The following PPFIBP1 variants were observed in gnomAD, a reference collection of about 807,000 sequenced individuals.
The protein encoded by PPFIBP1 is liprin-beta-1.
PPFIBP1 carries 112 observed loss-of-function variants against 137.8 expected under a neutral mutation model. That is an observed-to-expected ratio of 0.81 (90% CI 0.70 to 0.95). The LOEUF is 0.95. Ranked by LOEUF, PPFIBP1 falls within the 40% of genes least tolerant of loss-of-function variation. The pLI is 0.00. For missense variants in PPFIBP1, 1,083 were observed against 1,196.6 expected (o/e 0.91, Z 1.40); for synonymous variants, 378 against 417.3 (o/e 0.91, Z 1.15).
chr12:27,607,584 G>A (rs776884160), intron 2 of PPFIBP1, among the ~76,000 whole-genome samples: 1 of 152,178 alleles, frequency 6.6e-6, no homozygotes, highest in South Asian at 2.1e-4. Flanking sequence ...TAGGTGTGGG[G>A]TGGAGCCTGA....
intron 2 of PPFIBP1, among the ~76,000 whole-genome samples, chr12:27,620,754 T>C (rs1181856160): frequency 1.3e-5 from 2 of 152,108 alleles, no homozygotes; most frequent in East Asian, 1.9e-4. Flanking sequence ...TAAGGATTAA[T>C]TGAATTGATA....
chr12:27,537,320 A>G (rs1043205671), intron 1 of PPFIBP1, among the ~76,000 whole-genome samples: 13 of 152,134 alleles, frequency 8.5e-5, no homozygotes, highest in African/African-American at 2.9e-4. Flanking sequence ...TTTAGTAGAG[A>G]TGGGGTTTCA....
At chr12:27,585,920 T>C (rs1427320218) in intron 2 of PPFIBP1, among the ~76,000 whole-genome samples, 3 of 152,052 alleles carry the variant, frequency 2.0e-5, no homozygotes, top group Non-Finnish European at 4.4e-5. Flanking sequence ...TGGGGGAGTA[T>C]TGTGAAATAA....
At position 27,605,711 on chromosome 12, in the gene PPFIBP1, C is replaced by T. The variant is rs192427744; in HGVS notation, c.-36+27472C>T. ...CAGGTCTGTGGGCCACACAATTCAA[C>T]GCAGTTTTGGTGGTGGTTTCATGGC... On this transcript the variant is annotated intron_variant, in intron 2 of 29. Transcript: ENST00000228425. Among the ~76,000 whole-genome samples the T allele has an allele frequency of 3.5e-4, 53 of 152,244 alleles. No individual in the cohort carries two copies. In the East Asian group the frequency reaches 6.2e-3, roughly 18 times the overall value.
chr12:27,592,647 G>A (rs528991893), intron 2 of PPFIBP1: 5 of 1,593,354 alleles, frequency 3.1e-6, no homozygotes, highest in Non-Finnish European at 4.3e-6. Flanking sequence ...GGCAGCACTG[G>A]GCCTGTGTGT....
At chr12:27,537,099 G>T (rs1292975010) in intron 1 of PPFIBP1, among the ~76,000 whole-genome samples, 1 of 151,436 alleles carries the variant, frequency 6.6e-6, no homozygotes, top group African/African-American at 2.4e-5. Context: ...CCTTGCCGTT[G>T]TCTCCTACTG....
chr12:27,608,038 C>A (rs1313776983), intron 2 of PPFIBP1, among the ~76,000 whole-genome samples: 1 of 152,112 alleles, frequency 6.6e-6, no homozygotes, highest in East Asian at 1.9e-4. Context: ...TTTTTAAATT[C>A]ATTGCAGTTC....
At chr12:27,685,527 A>G (rs1476937758) in intron 24 of PPFIBP1, among the ~76,000 whole-genome samples, 1 of 152,138 alleles carries the variant, frequency 6.6e-6, no homozygotes, top group African/African-American at 2.4e-5. Context: ...AAGTGTGAGT[A>G]TGTTCCCCCT....
At chr12:27,683,182 G>A (rs759222735) in intron 24 of PPFIBP1, among the ~76,000 whole-genome samples, 1 of 152,000 alleles carries the variant, frequency 6.6e-6, no homozygotes, top group Non-Finnish European at 1.5e-5. Flanking sequence ...TCCTGCCTCA[G>A]CCTCCCGAGT....
At chr12:27,639,046 T>C (rs2057910973) in intron 4 of PPFIBP1, among the ~76,000 whole-genome samples, 1 of 152,228 alleles carries the variant, frequency 6.6e-6, no homozygotes, top group African/African-American at 2.4e-5. Flanking sequence ...TGCTAATTGC[T>C]CCTGCCTGTT....
At position 27,592,474 on chromosome 12, in the gene PPFIBP1, A is replaced by G. The variant is rs1287721848; in HGVS notation, c.-36+14235A>G. The G allele has an allele frequency of 2.7e-6, 3 of 1,091,182 alleles. No individual in the cohort carries two copies. The Admixed American group carries it at 6.7e-5, about 24-fold the overall frequency. 67.6% of individuals were successfully genotyped at this position (1,091,182 alleles called of 1,614,324 possible). A position where few individuals can be genotyped will look rare whatever the true frequency, so the allele number is the denominator to read the frequency against. On this transcript the variant is annotated intron_variant, in intron 2 of 29. Coordinates refer to ENST00000228425, the MANE Select transcript of PPFIBP1 (RefSeq NM_003622.4). ...AAAATCTGTCTATATAGGATGTCCTAATTCAAGGGTTTCTTGAGGTTGAAT... is the reference window on the plus strand; with the variant it reads ...AAAATCTGTCTATATAGGATGTCCTGATTCAAGGGTTTCTTGAGGTTGAAT...
chr12:27,691,825 C>A lies in PPFIBP1; in HGVS notation c.2762C>A (p.Pro921Gln). Residue 921 changes from proline to glutamine, a missense_variant, in exon 28 of 30, where the codon CCA (proline) becomes CAA (glutamine). Pro to Gln is a moderately conservative substitution (Grantham distance 76). Coordinates refer to ENST00000228425, the MANE Select transcript of PPFIBP1 (RefSeq NM_003622.4). ...KQEDGEEYVC[P>Q]MELGQASGSA... ...GAAGATGGTGAAGAATATGTTTGTC[C>A]AATGGAATTGGGACAGGCATCAGGA... The A allele has an allele frequency of 1.9e-6, 3 of 1,613,750 alleles. No individual in the cohort carries two copies. Among genetic ancestry groups the A allele is most frequent in the Non-Finnish European group, 2.5e-6 (3 of 1,179,830 alleles).
chr12:27,537,139 CT>C (rs922087341), intron 1 of PPFIBP1, among the ~76,000 whole-genome samples: 74 of 149,548 alleles, frequency 4.9e-4, no homozygotes, highest in African/African-American at 1.5e-3. Flanking sequence ...TTCTCTCTCT[CT>C]TTTTTTTTTG....
intron 10 of PPFIBP1, among the ~76,000 whole-genome samples, chr12:27,660,321 T>G (rs952350499): frequency 3.3e-5 from 5 of 152,194 alleles, no homozygotes; most frequent in African/African-American, 9.7e-5. Context: ...TTGAAATCTA[T>G]CTTAAGGTAG....
chr12:27,692,734 G>T (rs368010910), intron 29 of PPFIBP1, 62 bp from the exon 30 acceptor site: 4 of 1,613,748 alleles, frequency 2.5e-6, no homozygotes, highest in Admixed American at 3.3e-5. Flanking sequence ...CATGTCTCTT[G>T]GAGAATGTGT....
chr12:27,650,318 CTT>C (rs898460032), intron 7 of PPFIBP1, among the ~76,000 whole-genome samples, 177 bp downstream of exon 7: 1 of 152,174 alleles, frequency 6.6e-6, no homozygotes, highest in African/African-American at 2.4e-5. Context: ...ATTGCATTGA[CTT>C]TTTATCACTA....
At chr12:27,577,596 C>A (rs544244911) in intron 1 of PPFIBP1, among the ~76,000 whole-genome samples, 184 of 152,052 alleles carry the variant, frequency 1.2e-3, no homozygotes, top group Non-Finnish European at 2.4e-3. Flanking sequence ...GATATATGTT[C>A]CTGTATATAC....
intron 2 of PPFIBP1, among the ~76,000 whole-genome samples, chr12:27,624,887 T>G (rs2138693828): frequency 6.6e-6 from 1 of 152,272 alleles, no homozygotes; most frequent in South Asian, 2.1e-4. Flanking sequence ...TATGTCATGG[T>G]TGAAGGTGTT....
rs1212882704 is a variant in PPFIBP1, at chr12:27,688,364, G to A, written c.2437G>A (p.Val813Met). ...TCGAGTGATGGAGTGGCTGCGCTCCGTGGACTTGGCAGAATATGCGCCCAA... is the reference window on the plus strand; with the variant it reads ...TCGAGTGATGGAGTGGCTGCGCTCCATGGACTTGGCAGAATATGCGCCCAA... ...NHRVMEWLRS[V>M]DLAEYAPNLR... The change falls in exon 26 of 30, where the codon GTG (valine) becomes ATG (methionine). Residue 813 changes from valine to methionine, a missense_variant. Physicochemically the swap from Val to Met is conservative, Grantham distance 21. Coordinates refer to ENST00000228425, the MANE Select transcript of PPFIBP1 (RefSeq NM_003622.4). The A allele has an allele frequency of 5.6e-6, 9 of 1,614,058 alleles. No homozygotes were observed. Among genetic ancestry groups the A allele is most frequent in the South Asian group, 2.2e-5 (2 of 91,090 alleles).
Sources: allele counts gnomAD v4.1 joint callset (sites outside exome capture counted in the v4.1 genomes callset), GRCh38; gene constraint gnomAD v4.1.1; transcripts MANE v1.5; gene names NCBI Gene and HGNC (gene_info 2026-07-23, HGNC 2026-07-21).